The following USP28 variants were observed in gnomAD, a reference collection of about 807,000 sequenced individuals.
The protein encoded by USP28 is ubiquitin carboxyl-terminal hydrolase 28.
A neutral mutation model predicts 145.0 loss-of-function variants in USP28; 113 were observed. The ratio of observed to expected loss-of-function variants is 0.78; its 90% CI spans 0.67 to 0.91. The LOEUF is 0.91. USP28 is among the 40% of genes least tolerant of loss of function. USP28 has a pLI of 0.00. For missense variants in USP28, 1,201 were observed against 1,289.6 expected, an observed-to-expected ratio of 0.93 and a Z score of 1.05; for synonymous variants, 447 against 450.9, an observed-to-expected ratio of 0.99 and a Z score of 0.11.
chr11:113,826,546 A>G (rs1943358193), intron 11 of USP28, among the ~76,000 whole-genome samples: 1 of 151,510 alleles, frequency 6.6e-6, no homozygotes, highest in South Asian at 2.1e-4. Context: ...CGCTCAAGAT[A>G]TCTGCCCTCC....
intron 3 of USP28, among the ~76,000 whole-genome samples, chr11:113,850,911 C>T (rs1042291014): frequency 2.6e-5 from 4 of 152,196 alleles, no homozygotes; most frequent in Non-Finnish European, 4.4e-5. Flanking sequence ...CCGTGAATGT[C>T]TAACAGGCAT....
At chr11:113,845,334 G>T (rs144789860) in intron 3 of USP28, among the ~76,000 whole-genome samples, 34 of 151,728 alleles carry the variant, frequency 2.2e-4, no homozygotes, top group African/African-American at 8.2e-4. Context: ...TACACAGGGG[G>T]CTGAGGCACG....
At chr11:113,803,654 C>A (rs934850764) in intron 22 of USP28, 144 bp downstream of exon 23, 1 of 650,116 alleles carries the variant, frequency 1.5e-6, no homozygotes, top group Non-Finnish European at 2.7e-6. Context: ...TAGAGCAAAA[C>A]CAAAGCACTG....
intron 5 of USP28, among the ~76,000 whole-genome samples, chr11:113,840,210 C>T (rs1300344058): frequency 6.6e-6 from 1 of 152,132 alleles, no homozygotes; most frequent in African/African-American, 2.4e-5. Context: ...GATTTGATCT[C>T]CTCAGCGCCT....
At chr11:113,845,900 T>C (rs778975759) in intron 3 of USP28, among the ~76,000 whole-genome samples, 4 of 152,216 alleles carry the variant, frequency 2.6e-5, no homozygotes, top group Non-Finnish European at 5.9e-5. Context: ...TAGAGATATC[T>C]GTACATCCAA....
chr11:113,852,816 T>C, intron 2 of USP28, among the ~76,000 whole-genome samples, 183 bp from the exon 3 acceptor site: 1 of 152,028 alleles, frequency 6.6e-6, no homozygotes, highest in Non-Finnish European at 1.5e-5. Flanking sequence ...AAATGCCTCA[T>C]TACAGGAGGG....
Position 113,841,015 on chromosome 11 carries a change from A to G in USP28, c.375-258T>C, listed in dbSNP as rs533221814. 2.0e-5 allele frequency among the ~76,000 whole-genome samples: 3 copies of G among 152,342 alleles called. No individual in the cohort carries two copies. In the East Asian group the frequency reaches 5.8e-4, roughly 29 times the overall value. ...TTGAACTAAGTTGAAATTCAAGACTATTTAAGGCTACCATATTAGAAATTT... is the reference window on the plus strand; with the variant it reads ...TTGAACTAAGTTGAAATTCAAGACTGTTTAAGGCTACCATATTAGAAATTT... On this transcript the variant is annotated intron_variant, in intron 4 of 24. Transcript: ENST00000003302.
At chr11:113,875,018 AC>A in intron 1 of USP28, 1 of 707,140 alleles carries the variant, frequency 1.4e-6, no homozygotes, top group Non-Finnish European at 1.7e-6. Flanking sequence ...AAGTGAGATA[AC>A]TTCGGTCTGC....
intron 16 of USP28, among the ~76,000 whole-genome samples, chr11:113,812,054 T>G (rs1385533008): frequency 6.6e-6 from 1 of 152,204 alleles, no homozygotes; most frequent in African/African-American, 2.4e-5. Context: ...ATAAGAAACC[T>G]AACATTGTGT....
At chr11:113,817,945 C>T in intron 12 of USP28, 108 bp from the exon 13 acceptor site, 1 of 1,188,518 alleles carries the variant, frequency 8.4e-7, no homozygotes, top group Non-Finnish European at 1.2e-6. Flanking sequence ...AGGCTTATTC[C>T]TAGAGGCTAT....
chr11:113,875,498 T>A (rs2137381486), exon 1 of USP28: 3 of 1,184,658 alleles, frequency 2.5e-6, no homozygotes, highest in Non-Finnish European at 3.1e-6. Flanking sequence ...AGCTCCGCAG[T>A]CATGGCCGAG....
At chr11:113,803,416 G>C in intron 22 of USP28, 135 bp from the exon 24 acceptor site, 2 of 1,009,678 alleles carry the variant, frequency 2.0e-6, no homozygotes, top group Non-Finnish European at 2.8e-6. Flanking sequence ...ACCGTAGCCA[G>C]TCTCATCTCT....
At chr11:113,821,448 C>T (rs1335280236) in intron 12 of USP28, 10 of 223,378 alleles carry the variant, frequency 4.5e-5, no homozygotes, top group South Asian at 1.6e-4. Context: ...TTCTGTGGGG[C>T]GCTGAGCTGA....
intron 24 of USP28, among the ~76,000 whole-genome samples, chr11:113,800,087 G>T (rs1457621841): frequency 6.6e-6 from 1 of 151,662 alleles, no homozygotes; most frequent in African/African-American, 2.4e-5. Context: ...CTCACTGCAA[G>T]CTCCGCCTCC....
At chr11:113,817,755 G>A in exon 13 of USP28, 1 of 1,614,212 alleles carries the variant, frequency 6.2e-7, no homozygotes. Flanking sequence ...TCTGAGGCAG[G>A]TTTTGTACTA....
At chr11:113,852,249 C>T (rs2428009) in intron 3 of USP28, among the ~76,000 whole-genome samples, 9,838 of 152,168 alleles carry the variant, frequency 0.065, 432 homozygotes, top group Non-Finnish European at 0.089. Flanking sequence ...AGGATGGTCT[C>T]GATCTCCTGA....
intron 16 of USP28, among the ~76,000 whole-genome samples, chr11:113,810,173 T>G (rs1940746722): frequency 6.6e-6 from 1 of 152,144 alleles, no homozygotes; most frequent in Non-Finnish European, 1.5e-5. Flanking sequence ...ATTTAACCAC[T>G]GCATTTGGCG....
chr11:113,812,073 G>A (rs927327244), intron 16 of USP28, among the ~76,000 whole-genome samples: 5 of 152,138 alleles, frequency 3.3e-5, no homozygotes, highest in Non-Finnish European at 7.4e-5. Context: ...GTACTTGTTG[G>A]GAGTGGGACC....
chr11:113,869,989 C>A (rs1457546628), intron 1 of USP28, among the ~76,000 whole-genome samples: 1 of 151,876 alleles, frequency 6.6e-6, no homozygotes, highest in Middle Eastern at 3.2e-3. Context: ...ATGGAGAAAC[C>A]CTGTCTCTAC....
Sources: allele counts gnomAD v4.1 joint callset (sites outside exome capture counted in the v4.1 genomes callset), GRCh38; gene constraint gnomAD v4.1.1; transcripts MANE v1.5; gene names NCBI Gene and HGNC (gene_info 2026-07-23, HGNC 2026-07-21).